NCALD: variants seen among roughly 807,000 people sequenced by gnomAD.
The protein encoded by NCALD is neurocalcin-delta.
A neutral mutation model predicts 18.6 loss-of-function variants in NCALD; 10 were observed. The ratio of observed to expected loss-of-function variants is 0.54; its 90% CI spans 0.33 to 0.91. The LOEUF is 0.91. Among genes scored for constraint, NCALD ranks in the 40% least tolerant of loss-of-function variants. The pLI is 0.03. For synonymous variants in NCALD, 88 were observed against 87.4 expected (o/e 1.01, Z -0.04); for missense variants, 184 against 247.6 (o/e 0.74, Z 1.72).
chr8:101,984,863 C>A (rs1158473178), intron 2 of NCALD, among the ~76,000 whole-genome samples: 3 of 152,190 alleles, frequency 2.0e-5, no homozygotes, highest in African/African-American at 7.2e-5. Flanking sequence ...CCCACCATCA[C>A]CTCAGTTCAC....
intron 1 of NCALD, among the ~76,000 whole-genome samples, chr8:101,769,334 A>G (rs1811484896): frequency 1.3e-5 from 2 of 152,328 alleles, no homozygotes; most frequent in South Asian, 4.2e-4. Flanking sequence ...ATTTATATCC[A>G]TATAATGTCT....
chr8:101,898,074 G>A (rs1172412602), intron 3 of NCALD, among the ~76,000 whole-genome samples: 2 of 152,164 alleles, frequency 1.3e-5, no homozygotes, highest in Non-Finnish European at 2.9e-5. Flanking sequence ...TTCCCCTTCA[G>A]CCATGATTGG....
chr8:101,891,869 C>T (rs1406179954), intron 3 of NCALD, among the ~76,000 whole-genome samples: 1 of 152,198 alleles, frequency 6.6e-6, no homozygotes, highest in African/African-American at 2.4e-5. Flanking sequence ...CCTACGCCCA[C>T]GGAATCTCGC....
At chr8:102,016,974 A>G (rs1481569265) in intron 2 of NCALD, among the ~76,000 whole-genome samples, 3 of 152,194 alleles carry the variant, frequency 2.0e-5, no homozygotes, top group Non-Finnish European at 4.4e-5. Context: ...GGAAGATAAA[A>G]TGCAAGAAAA....
At chr8:101,874,901 C>A (rs988095545) in intron 4 of NCALD, among the ~76,000 whole-genome samples, 10 of 152,074 alleles carry the variant, frequency 6.6e-5, no homozygotes, top group African/African-American at 2.4e-4. Flanking sequence ...AAAAAACAAA[C>A]TGGCCAGAAA....
intron 2 of NCALD, among the ~76,000 whole-genome samples, chr8:101,708,700 G>A (rs892814963): frequency 6.6e-6 from 1 of 152,170 alleles, no homozygotes; most frequent in African/African-American, 2.4e-5. Context: ...ACTTGTACAA[G>A]GGCATGTAGG....
intron 4 of NCALD, among the ~76,000 whole-genome samples, chr8:101,854,944 G>C (rs922772056): frequency 6.6e-6 from 1 of 152,072 alleles, no homozygotes; most frequent in Non-Finnish European, 1.5e-5. Flanking sequence ...GGTCCAACTG[G>C]GGAAGACTGG....
intron 2 of NCALD, among the ~76,000 whole-genome samples, chr8:101,696,903 A>C (rs780431936): frequency 4.6e-5 from 7 of 152,206 alleles, no homozygotes; most frequent in Non-Finnish European, 1.0e-4. Flanking sequence ...GGGAAGCAAG[A>C]GCAAACAAAT....
At chr8:101,799,537 A>G (rs1812761719) in intron 4 of NCALD, among the ~76,000 whole-genome samples, 1 of 152,194 alleles carries the variant, frequency 6.6e-6, no homozygotes, top group Non-Finnish European at 1.5e-5. Context: ...CTTTGGGTGG[A>G]TGAATGAGTA....
chr8:102,030,505 T>G (rs1342585360), intron 1 of NCALD, among the ~76,000 whole-genome samples: 1 of 152,230 alleles, frequency 6.6e-6, no homozygotes, highest in Non-Finnish European at 1.5e-5. Flanking sequence ...CAGAACCAAC[T>G]TATTATTTTG....
Position 101,689,499 on chromosome 8 carries a change from C to T in NCALD, c.485-93G>A, listed in dbSNP as rs2129906301. 1.1e-6 allele frequency: 1 copy of T among 952,066 alleles called. No individual in the cohort carries two copies. The highest frequency in any genetic ancestry group is 1.6e-6 in the Non-Finnish European group (1 of 618,478). The allele number at this position is 952,066 out of a possible 1,614,324, so 59.0% of individuals were successfully genotyped here. ...CTGCGTGCTGGGCAGTGTCGATTCA[C>T]CTGCCTGCAGCCTCACTGCCACTGT... On this transcript the variant is annotated intron_variant, in intron 3 of 3. Coordinates refer to ENST00000220931, the MANE Select transcript of NCALD (RefSeq NM_032041.3). The surrounding 1 kb of genome is among the most constrained non-coding windows in gnomAD (Gnocchi z 4.4).
At chr8:101,948,792 G>A (rs1297305353) in intron 2 of NCALD, among the ~76,000 whole-genome samples, 1 of 152,164 alleles carries the variant, frequency 6.6e-6, no homozygotes, top group Non-Finnish European at 1.5e-5. Flanking sequence ...GGCTGCCTAT[G>A]GGGAAGTCCT....
chr8:102,124,159 C>G (rs896352889), intron 1 of NCALD: 1 of 152,172 alleles, frequency 6.6e-6, no homozygotes, highest in Non-Finnish European at 1.5e-5. Context: ...CAGCAGCCGC[C>G]CCCGGCACAC....
At chr8:102,031,367 A>T (rs1371661297) in intron 1 of NCALD, among the ~76,000 whole-genome samples, 1 of 152,200 alleles carries the variant, frequency 6.6e-6, no homozygotes, top group African/African-American at 2.4e-5. Context: ...GTACCTAGAG[A>T]TGCATAGCTG....
At chr8:101,821,881 T>TAA (rs370878560) in intron 4 of NCALD, among the ~76,000 whole-genome samples, 67 of 116,488 alleles carry the variant, frequency 5.8e-4, no homozygotes, top group African/African-American at 1.8e-3. Flanking sequence ...GGGTTCTAAG[T>TAA]AAAAAAAAAA....
At chr8:101,917,014 G>C (rs1450292708) in intron 2 of NCALD, among the ~76,000 whole-genome samples, 3 of 152,054 alleles carry the variant, frequency 2.0e-5, no homozygotes, top group African/African-American at 7.2e-5. Context: ...GACATCTATA[G>C]AATACTCCAT....
chr8:101,990,282 G>A (rs985270723), intron 2 of NCALD, among the ~76,000 whole-genome samples: 1 of 152,320 alleles, frequency 6.6e-6, no homozygotes, highest in African/African-American at 2.4e-5. Context: ...TTATGGGCAA[G>A]ACCTAGGAGG....
rs919582431 is a variant in NCALD at position 101,902,288 on chromosome 8, TTTTA to T, written c.-107+13517_-107+13520del. 9.7e-4 allele frequency among the ~76,000 whole-genome samples: 62 copies of T among 63,974 alleles called. No individual in the cohort carries two copies. The African/African-American group carries it at 0.014, about 14-fold the overall frequency. The allele number at this position is 63,974 out of a possible 152,430, so 42.0% of individuals were successfully genotyped here. On this transcript the variant is annotated intron_variant, in intron 3 of 6. Coordinates refer to the NCALD transcript ENST00000311028. ...ATCCACTGAGTTTTTTTTTTTTTTT[TTTTA>T]ACTTCATTTTCCTAGAAATTGGAAA...
At chr8:102,038,598 A>C (rs776057717) in intron 1 of NCALD, among the ~76,000 whole-genome samples, 1 of 152,172 alleles carries the variant, frequency 6.6e-6, no homozygotes, top group Admixed American at 6.5e-5. Flanking sequence ...TGCAGCATTC[A>C]CCAGAATAGC....
Sources: gnomAD v4.1 joint callset for allele counts (sites outside exome capture counted in the v4.1 genomes callset) on GRCh38, gnomAD v4.1.1 for gene constraint, Gnocchi (gnomAD v3.1) non-coding constraint, MANE v1.5 for transcripts, NCBI Gene and HGNC (gene_info 2026-07-23, HGNC 2026-07-21) for gene names.